Variants in CACNA2D3 observed in about 807,000 individuals in gnomAD.
The protein encoded by CACNA2D3 is voltage-dependent calcium channel subunit alpha-2/delta-3.
CACNA2D3 carries 60 observed loss-of-function variants against 160.6 expected under a neutral mutation model. The ratio of observed to expected loss-of-function variants is 0.37; its 90% CI spans 0.30 to 0.46. The LOEUF is 0.46. Among genes scored for constraint, CACNA2D3 ranks in the 20% least tolerant of loss-of-function variants. The pLI, the probability that CACNA2D3 is intolerant of heterozygous loss-of-function variation, is 1.00. For missense variants in CACNA2D3, 1,205 were observed against 1,365.0 expected, an observed-to-expected ratio of 0.88 and a Z score of 1.85; for synonymous variants, 558 against 492.9, an observed-to-expected ratio of 1.13 and a Z score of -1.75.
intron 11 of CACNA2D3, among the ~76,000 whole-genome samples, chr3:54,667,160 C>T (rs915499086): frequency 2.6e-5 from 4 of 152,190 alleles, no homozygotes; most frequent in African/African-American, 9.6e-5. Context: ...TACATGAACA[C>T]TGTTTTAAAA....
intron 35 of CACNA2D3, among the ~76,000 whole-genome samples, chr3:55,064,520 A>G (rs1165516900): frequency 2.6e-5 from 4 of 151,502 alleles, no homozygotes; most frequent in African/African-American, 9.7e-5. Flanking sequence ...AGCCTCAACC[A>G]CCCCCTCCTC....
At chr3:54,931,427 A>C (rs114143636) in intron 27 of CACNA2D3, among the ~76,000 whole-genome samples, 1 of 152,206 alleles carries the variant, frequency 6.6e-6, no homozygotes, top group East Asian at 1.9e-4. Flanking sequence ...TGTGATATGC[A>C]TGCTAATGCT....
At chr3:54,596,803 T>C (rs1219764483) in intron 9 of CACNA2D3, among the ~76,000 whole-genome samples, 3 of 152,148 alleles carry the variant, frequency 2.0e-5, no homozygotes, top group African/African-American at 4.8e-5. Flanking sequence ...CTCCTTCCTG[T>C]TCTCCCACAC....
chr3:54,817,281 C>T (rs1575492791), intron 14 of CACNA2D3, among the ~76,000 whole-genome samples: 3 of 152,152 alleles, frequency 2.0e-5, no homozygotes, highest in South Asian at 2.1e-4. Context: ...TAAGCCAAAT[C>T]GCTGAAAACT....
intron 4 of CACNA2D3, among the ~76,000 whole-genome samples, chr3:54,392,459 C>A (rs1174818775): frequency 1.3e-5 from 2 of 152,202 alleles, no homozygotes; most frequent in African/African-American, 2.4e-5. Flanking sequence ...GTGTATCCTG[C>A]AGAAGCTTTT....
intron 2 of CACNA2D3, among the ~76,000 whole-genome samples, chr3:54,287,922 G>T (rs11130414): frequency 6.9e-6 from 1 of 145,952 alleles, no homozygotes; most frequent in Non-Finnish European, 1.5e-5. Context: ...GACGCATTCA[G>T]AGCAGTGTGT....
intron 17 of CACNA2D3, among the ~76,000 whole-genome samples, chr3:54,865,426 C>T (rs573330171): frequency 3.3e-5 from 5 of 152,340 alleles, no homozygotes; most frequent in African/African-American, 9.6e-5. Context: ...CCCACCTTCC[C>T]GCTACTGATC....
chr3:55,043,862 T>G (rs2107194680), intron 35 of CACNA2D3, among the ~76,000 whole-genome samples: 1 of 152,344 alleles, frequency 6.6e-6, no homozygotes, highest in South Asian at 2.1e-4. Flanking sequence ...CATTATCATT[T>G]GTTGAAAAGA....
chr3:54,732,596 C>G (rs1180658903), intron 11 of CACNA2D3, among the ~76,000 whole-genome samples: 1 of 152,162 alleles, frequency 6.6e-6, no homozygotes, highest in Non-Finnish European at 1.5e-5. Flanking sequence ...AATGAGTGTT[C>G]AGTGAATAAA....
chr3:54,538,742 G>C (rs1207991049), intron 5 of CACNA2D3, among the ~76,000 whole-genome samples: 1 of 152,104 alleles, frequency 6.6e-6, no homozygotes, highest in Non-Finnish European at 1.5e-5. Context: ...GAATTATGGG[G>C]GTGCTCCATA....
At chr3:54,833,866 G>A (rs1203651227) in intron 14 of CACNA2D3, among the ~76,000 whole-genome samples, 4 of 152,068 alleles carry the variant, frequency 2.6e-5, no homozygotes, top group African/African-American at 7.2e-5. Flanking sequence ...GAAAGCCTAC[G>A]GGTTAGGGTT....
At chr3:54,825,427 C>G (rs1360432601) in intron 14 of CACNA2D3, among the ~76,000 whole-genome samples, 1 of 152,200 alleles carries the variant, frequency 6.6e-6, no homozygotes, top group Non-Finnish European at 1.5e-5. Flanking sequence ...CTTATAGATA[C>G]AATTCTGTAG....
intron 2 of CACNA2D3, among the ~76,000 whole-genome samples, chr3:54,245,671 A>C (rs140133112): frequency 6.6e-6 from 1 of 152,340 alleles, no homozygotes; most frequent in Non-Finnish European, 1.5e-5. Flanking sequence ...CAGAGCATCT[A>C]TTCAGAAGGC....
chr3:54,452,504 G>A (rs35229421), intron 4 of CACNA2D3, among the ~76,000 whole-genome samples: 66,416 of 152,042 alleles, frequency 0.44, 15,594 homozygotes, highest in South Asian at 0.52. Flanking sequence ...ACTCGCACTG[G>A]AATTGTCTTT....
At chr3:54,413,301 T>A (rs1010555180) in intron 4 of CACNA2D3, among the ~76,000 whole-genome samples, 1 of 151,174 alleles carries the variant, frequency 6.6e-6, no homozygotes, top group South Asian at 2.1e-4. Context: ...ATTCAGTGAG[T>A]CATTTTTCTC....
chr3:54,746,215 TCCAAC>T (rs1213852958), intron 11 of CACNA2D3, among the ~76,000 whole-genome samples: 3 of 152,224 alleles, frequency 2.0e-5, no homozygotes, highest in Non-Finnish European at 2.9e-5. Context: ...GTAATCAGGT[TCCAAC>T]CCTTATCTTC....
chr3:54,272,802 G>A (rs1358923712), intron 2 of CACNA2D3: 1 of 152,246 alleles, frequency 6.6e-6, no homozygotes, highest in Non-Finnish European at 1.5e-5. Context: ...ATTGCACAGA[G>A]GCACAAAGAC....
At chr3:54,904,925 C>T (rs948177355) in intron 27 of CACNA2D3, among the ~76,000 whole-genome samples, 1 of 152,126 alleles carries the variant, frequency 6.6e-6, no homozygotes, top group African/African-American at 2.4e-5. Context: ...TGTGTCCCAT[C>T]CCAAAAGCAA....
rs980678455 is a variant in CACNA2D3 at position 55,074,374 on chromosome 3, G to T, written c.*168G>T. 8 of 595,022 alleles carry T rather than the reference G, an allele frequency of 1.3e-5. No homozygotes were observed. Among genetic ancestry groups the T allele is most frequent in the South Asian group, 4.2e-5 (2 of 48,054 alleles). 36.9% of individuals were successfully genotyped at this position (595,022 alleles called of 1,614,324 possible). A position where few individuals can be genotyped will look rare whatever the true frequency, so the allele number is the denominator to read the frequency against. On this transcript the variant is annotated 3_prime_UTR_variant, in exon 38 of 38. Transcript: ENST00000474759. ...GCGTGATATAAACTCTTAAAGATAT[G>T]TTGACAAAAAGTTATCTATCATCTT...
Sources: allele counts gnomAD v4.1 joint callset (sites outside exome capture counted in the v4.1 genomes callset), GRCh38; gene constraint gnomAD v4.1.1; transcripts MANE v1.5; gene names NCBI Gene and HGNC (gene_info 2026-07-23, HGNC 2026-07-21).